ANKRD44: variants seen among roughly 807,000 people sequenced by gnomAD.
The protein encoded by ANKRD44 is serine/threonine-protein phosphatase 6 regulatory ankyrin repeat subunit B.
In ANKRD44, 35 loss-of-function variants were observed where a neutral mutation model predicts 116.0. The observed-to-expected ratio is 0.30, with a 90% CI of 0.23 to 0.40. The LOEUF is 0.40. Ranked by LOEUF, ANKRD44 falls within the 10% of genes least tolerant of loss-of-function variation. ANKRD44 has a pLI of 1.00. For missense variants in ANKRD44, 1,014 were observed against 1,242.6 expected (o/e 0.82, Z 2.77); for synonymous variants, 435 against 461.8 (o/e 0.94, Z 0.74).
chr2:197,005,187 T>A (rs1051440283), intron 21 of ANKRD44, among the ~76,000 whole-genome samples: 11 of 152,224 alleles, frequency 7.2e-5, no homozygotes, highest in Non-Finnish European at 1.6e-4. Context: ...ATAATTAGGA[T>A]GCATTTTTAA....
At chr2:197,147,949 A>G (rs1426750717) in intron 2 of ANKRD44, 1 of 448,544 alleles carries the variant, frequency 2.2e-6, no homozygotes, top group Admixed American at 2.4e-5. Context: ...CCACAGGTAT[A>G]TAGCACAGTC....
At chr2:197,149,818 T>C (rs2079596862) in intron 2 of ANKRD44, among the ~76,000 whole-genome samples, 1 of 152,050 alleles carries the variant, frequency 6.6e-6, no homozygotes, top group Admixed American at 6.6e-5. Flanking sequence ...AGCCAGGAGG[T>C]AGCACTATGT....
intron 1 of ANKRD44, among the ~76,000 whole-genome samples, chr2:197,227,842 A>C (rs1299404482): frequency 6.6e-6 from 1 of 152,240 alleles, no homozygotes; most frequent in Non-Finnish European, 1.5e-5. Flanking sequence ...GGGCTGGGTT[A>C]TGAAGATCAA....
At chr2:197,294,145 T>C (rs1373929151) in intron 1 of ANKRD44, among the ~76,000 whole-genome samples, 2 of 152,178 alleles carry the variant, frequency 1.3e-5, no homozygotes, top group African/African-American at 4.8e-5. Flanking sequence ...TATAATATTG[T>C]TCAGAAAATG....
chr2:197,122,980 T>TA (rs1436309008), intron 6 of ANKRD44, among the ~76,000 whole-genome samples, 188 bp from the exon 7 acceptor site: 1 of 152,226 alleles, frequency 6.6e-6, no homozygotes, highest in Non-Finnish European at 1.5e-5. Flanking sequence ...AGGCATAATG[T>TA]AAAAGCTGTG....
chr2:197,101,731 A>G (rs761623036), intron 9 of ANKRD44, among the ~76,000 whole-genome samples: 3 of 152,226 alleles, frequency 2.0e-5, no homozygotes, highest in Non-Finnish European at 4.4e-5. Flanking sequence ...CAGAGTGTAC[A>G]GATATCTGAT....
In ANKRD44 at chr2:197,203,784, T is replaced by A. The variant is rs2081145440; in HGVS notation, c.28-16678A>T. Among the ~76,000 whole-genome samples, 1 of 152,060 alleles carries A rather than the reference T, an allele frequency of 6.6e-6. No individual in the cohort carries two copies. Among genetic ancestry groups the A allele is most frequent in the African/African-American group, 2.4e-5 (1 of 41,396 alleles). On this transcript the variant is annotated intron_variant, in intron 1 of 27. Transcript: ENST00000282272. This position sits in a 1 kb window ranked among gnomAD's most constrained non-coding sequence, Gnocchi z 4.1. ...CGTAGAGTAAAATATTACTCAGCCA[T>A]GAAAAGGAACAGCGTATAATGATAG...
At chr2:197,095,276 A>T (rs1459358892) in intron 10 of ANKRD44, among the ~76,000 whole-genome samples, 1 of 152,176 alleles carries the variant, frequency 6.6e-6, no homozygotes, top group East Asian at 1.9e-4. Flanking sequence ...TGAGGATCAC[A>T]TTGGTGTTTG....
At chr2:197,121,222 G>T in intron 8 of ANKRD44, 110 bp downstream of exon 8, 2 of 1,061,102 alleles carry the variant, frequency 1.9e-6, no homozygotes, top group Non-Finnish European at 2.8e-6. Flanking sequence ...TCCAGGACAA[G>T]GCTGTGAGGT....
intron 4 of ANKRD44, among the ~76,000 whole-genome samples, chr2:197,132,434 C>T (rs2079116113): frequency 6.6e-6 from 1 of 152,208 alleles, no homozygotes; most frequent in Non-Finnish European, 1.5e-5. Context: ...ATATTATGAT[C>T]TGACACCCTT....
intron 3 of ANKRD44, among the ~76,000 whole-genome samples, chr2:197,144,509 T>C (rs1001896132): frequency 1.3e-5 from 2 of 152,204 alleles, no homozygotes; most frequent in Non-Finnish European, 2.9e-5. Flanking sequence ...GTCAAGTGAA[T>C]TCCAAGAGTT....
chr2:197,147,316 TG>T (rs2079530154), intron 2 of ANKRD44, among the ~76,000 whole-genome samples: 1 of 152,088 alleles, frequency 6.6e-6, no homozygotes, highest in Non-Finnish European at 1.5e-5. Flanking sequence ...TGTCTGTGCT[TG>T]GTATTTGCCC....
intron 20 of ANKRD44, among the ~76,000 whole-genome samples, chr2:197,006,114 G>A (rs377078174): frequency 1.6e-4 from 25 of 152,230 alleles, no homozygotes; most frequent in African/African-American, 5.1e-4. Flanking sequence ...CAGCATTTTC[G>A]AAATATCTCT....
At chr2:197,249,422 C>T (rs1014947133) in intron 1 of ANKRD44, among the ~76,000 whole-genome samples, 1 of 152,176 alleles carries the variant, frequency 6.6e-6, no homozygotes, top group Non-Finnish European at 1.5e-5. Flanking sequence ...CAGTTTTGCT[C>T]TACATGTGGG....
chr2:197,040,767 C>T (rs1266521399), intron 16 of ANKRD44, among the ~76,000 whole-genome samples: 2 of 152,158 alleles, frequency 1.3e-5, no homozygotes, highest in Non-Finnish European at 2.9e-5. Flanking sequence ...GCTTATTGCC[C>T]TGTAGGACAT....
intron 2 of ANKRD44, chr2:197,147,857 AAGG>A: frequency 2.2e-6 from 1 of 455,654 alleles, no homozygotes; most frequent in Non-Finnish European, 4.4e-6. Flanking sequence ...TGTTGACATT[AAGG>A]CTGAGAGCTA....
At chr2:197,058,434 C>T (rs149874485) in intron 16 of ANKRD44, among the ~76,000 whole-genome samples, 7 of 146,288 alleles carry the variant, frequency 4.8e-5, no homozygotes, top group African/African-American at 1.2e-4. Flanking sequence ...TGTTACTGCT[C>T]TGTGTTCCAC....
intron 1 of ANKRD44, among the ~76,000 whole-genome samples, chr2:197,222,050 C>G (rs1268412586): frequency 6.6e-6 from 1 of 152,188 alleles, no homozygotes; most frequent in East Asian, 1.9e-4. Context: ...CTCAAATACT[C>G]TCTTCTGTGA....
chr2:196,993,066 G>A (rs1368777845), intron 27 of ANKRD44, among the ~76,000 whole-genome samples: 44 of 152,100 alleles, frequency 2.9e-4, no homozygotes, highest in Admixed American at 2.9e-3. Flanking sequence ...ATCAGGGGAA[G>A]CTTCAAGCCT....
Sources: gnomAD v4.1 joint callset for allele counts (sites outside exome capture counted in the v4.1 genomes callset) on GRCh38, gnomAD v4.1.1 for gene constraint, Gnocchi (gnomAD v3.1) non-coding constraint, MANE v1.5 for transcripts, NCBI Gene and HGNC (gene_info 2026-07-23, HGNC 2026-07-21) for gene names.